CA10: variants seen among roughly 807,000 people sequenced by gnomAD.
CA10 encodes the protein carbonic anhydrase 10 (inactive), also known as carbonic anhydrase-related protein 10.
CA10 carries 14 observed loss-of-function variants against 44.2 expected under a neutral mutation model. The ratio of observed to expected loss-of-function variants is 0.32; its 90% CI spans 0.21 to 0.50. CA10 has a LOEUF of 0.50. CA10 is among the 20% of genes least tolerant of loss of function. CA10 has a pLI of 0.99. For missense variants in CA10, 350 were observed against 409.7 expected (o/e 0.85, Z 1.26); for synonymous variants, 159 against 141.6 (o/e 1.12, Z -0.87).
rs1491110200 is a variant in CA10 at position 51,699,584 on chromosome 17, AAC to A, written c.466-45850_466-45849del. ...GACATCCCTCGAGAGCATAAGAAAA[AAC>A]AGTCATCATTTTTAAAAATACAGAA... On this transcript the variant is annotated intron_variant, in intron 4 of 8. Transcript: ENST00000451037. Among the ~76,000 whole-genome samples the A allele has an allele frequency of 2.6e-5, 4 of 152,268 alleles. No individual in the cohort carries two copies. The East Asian group carries it at 5.8e-4, about 22-fold the overall frequency.
chr17:51,871,694 C>A (rs1214475494), intron 3 of CA10, among the ~76,000 whole-genome samples: 3 of 151,176 alleles, frequency 2.0e-5, no homozygotes, highest in Non-Finnish European at 4.4e-5. Context: ...CTTCCTTCTT[C>A]TTTAAACTTT....
Position 51,708,307 on chromosome 17 carries a change from G to T in CA10, c.465+39326C>A, listed in dbSNP as rs563789318. ...TGCTGCTCTGATGGCCATGCTGATG[G>T]GACACAGGGAAGGAGAGGCACTGAA... On this transcript the variant is annotated intron_variant, in intron 4 of 8. Transcript: ENST00000451037. Among the ~76,000 whole-genome samples, 25 of 152,268 alleles carry T rather than the reference G, an allele frequency of 1.6e-4. No individual in the cohort carries two copies. In the South Asian group the frequency reaches 5.2e-3, roughly 32 times the overall value.
chr17:52,022,282 G>A (rs971790131), intron 2 of CA10, among the ~76,000 whole-genome samples: 7 of 152,106 alleles, frequency 4.6e-5, no homozygotes, highest in Non-Finnish European at 1.0e-4. Flanking sequence ...TTATTCCTGG[G>A]ATGCAAGGTT....
At chr17:52,025,189 G>C (rs577115904) in intron 2 of CA10, among the ~76,000 whole-genome samples, 1 of 152,076 alleles carries the variant, frequency 6.6e-6, no homozygotes, top group South Asian at 2.1e-4. Flanking sequence ...GTTTTCTACT[G>C]TAAAGTGGTC....
At chr17:51,849,205 GTATATATATATATACA>G (rs1225028609) in intron 3 of CA10, among the ~76,000 whole-genome samples, 2 of 50,414 alleles carry the variant, frequency 4.0e-5, no homozygotes, top group African/African-American at 1.6e-4. Flanking sequence ...ATACATATAT[GTATATATATATATACA>G]TATATGTGTG....
At chr17:52,150,612 A>G (rs1989683097) in intron 1 of CA10, among the ~76,000 whole-genome samples, 1 of 152,164 alleles carries the variant, frequency 6.6e-6, no homozygotes, top group South Asian at 2.1e-4. Flanking sequence ...CCATGGGTAT[A>G]TTCTGTTAAG....
In CA10 at chr17:51,717,843, A is replaced by G. The variant is rs1286210285; in HGVS notation, c.465+29790T>C. ...TATATGTGTGTGTATATATATATAT[A>G]TATATATATATATATATATATATAT... On this transcript the variant is annotated intron_variant, in intron 4 of 8. Transcript: ENST00000451037. Among the ~76,000 whole-genome samples, 30 of 78,596 alleles carry G rather than the reference A, an allele frequency of 3.8e-4. 2 individuals carry two copies. Among genetic ancestry groups the G allele is most frequent in the African/African-American group, 1.5e-3 (28 of 18,580 alleles). 51.6% of individuals were successfully genotyped at this position (78,596 alleles called of 152,430 possible). A position where few individuals can be genotyped will look rare whatever the true frequency, so the allele number is the denominator to read the frequency against.
chr17:51,920,732 A>G (rs1982197214), intron 3 of CA10, among the ~76,000 whole-genome samples: 1 of 152,162 alleles, frequency 6.6e-6, no homozygotes, highest in Non-Finnish European at 1.5e-5. Context: ...GATACCCACA[A>G]CAGAATGCTT....
intron 2 of CA10, among the ~76,000 whole-genome samples, chr17:51,937,612 C>T (rs1982918786): frequency 3.9e-5 from 6 of 152,192 alleles, no homozygotes; most frequent in African/African-American, 1.2e-4. Flanking sequence ...TTAATTTGTG[C>T]ATTCATCTAA....
intron 3 of CA10, among the ~76,000 whole-genome samples, chr17:51,749,382 C>A (rs57024212): frequency 0.17 from 26,204 of 152,040 alleles, 2,527 homozygotes; most frequent in Admixed American, 0.26. Context: ...TTCGTGGAGC[C>A]GTGAAACTAC....
chr17:51,705,662 G>A (rs375694301), intron 4 of CA10, among the ~76,000 whole-genome samples: 1 of 152,042 alleles, frequency 6.6e-6, no homozygotes, highest in South Asian at 2.1e-4. Context: ...CCCATATGTT[G>A]TAAACTCACT....
At chr17:51,719,800 G>A (rs576335742) in intron 4 of CA10, among the ~76,000 whole-genome samples, 1 of 152,078 alleles carries the variant, frequency 6.6e-6, no homozygotes, top group East Asian at 1.9e-4. Context: ...GAGGTGGGGG[G>A]TGTATCACAA....
intron 1 of CA10, among the ~76,000 whole-genome samples, chr17:52,125,160 C>T (rs567538867): frequency 9.8e-5 from 15 of 152,298 alleles, no homozygotes; most frequent in Admixed American, 4.6e-4. Context: ...TCTGGAAGCC[C>T]GCTGAGTCAG....
intron 2 of CA10, among the ~76,000 whole-genome samples, chr17:51,985,903 TA>T (rs1441497508): frequency 1.3e-5 from 2 of 152,060 alleles, no homozygotes; most frequent in Non-Finnish European, 2.9e-5. Flanking sequence ...GTGGGTAGAA[TA>T]TTGTGAAAAT....
At chr17:51,983,372 C>T (rs139784975) in intron 2 of CA10, among the ~76,000 whole-genome samples, 1 of 151,854 alleles carries the variant, frequency 6.6e-6, no homozygotes, top group East Asian at 1.9e-4. Context: ...TCACATAAGG[C>T]TTTCTGATTT....
At chr17:51,754,447 A>C (rs1463013684) in intron 3 of CA10, among the ~76,000 whole-genome samples, 49 of 117,326 alleles carry the variant, frequency 4.2e-4, no homozygotes, top group Admixed American at 3.1e-3. Flanking sequence ...ATATATATAT[A>C]TCACGTAAAA....
chr17:52,019,374 A>G (rs1986066245), intron 2 of CA10, among the ~76,000 whole-genome samples: 1 of 152,048 alleles, frequency 6.6e-6, no homozygotes, highest in African/African-American at 2.4e-5. Context: ...AAACATGTTA[A>G]TGTTTCTCTG....
At chr17:51,734,983 TC>T (rs1916851951) in intron 4 of CA10, among the ~76,000 whole-genome samples, 1 of 152,136 alleles carries the variant, frequency 6.6e-6, no homozygotes, top group Non-Finnish European at 1.5e-5. Flanking sequence ...AGGCTTTTTC[TC>T]CTGGCAGCCT....
At position 51,919,614 on chromosome 17, in the gene CA10, T is replaced by G. The variant is rs185064449; in HGVS notation, c.279+11376A>C. Among the ~76,000 whole-genome samples the G allele has an allele frequency of 2.6e-5, 4 of 151,996 alleles. 1 individual carries two copies. Among genetic ancestry groups the G allele is most frequent in the Admixed American group, 2.6e-4 (4 of 15,278 alleles). On this transcript the variant is annotated intron_variant, in intron 3 of 8. Coordinates refer to ENST00000451037, the MANE Select transcript of CA10 (RefSeq NM_020178.5). ...TTGTTGCCTATGTTTAAGAGGCTGG[T>G]TGTTTTGTAAAATGCCTGTTAGTTG...
Sources: gnomAD v4.1 joint callset for allele counts (sites outside exome capture counted in the v4.1 genomes callset) on GRCh38, gnomAD v4.1.1 for gene constraint, MANE v1.5 for transcripts, NCBI Gene and HGNC (gene_info 2026-07-23, HGNC 2026-07-21) for gene names.